PTPRD: variants seen among roughly 807,000 people sequenced by gnomAD.
PTPRD encodes receptor-type tyrosine-protein phosphatase delta.
A neutral mutation model predicts 214.5 loss-of-function variants in PTPRD; 34 were observed. The observed-to-expected ratio is 0.16, with a 90% CI of 0.12 to 0.21. The LOEUF is 0.21. PTPRD is among the 10% of genes least tolerant of loss of function. The pLI, the probability that PTPRD is intolerant of heterozygous loss-of-function variation, is 1.00. For missense variants in PTPRD, 2,545 were observed against 2,398.7 expected (o/e 1.06, Z -1.27); for synonymous variants, 1,128 against 845.7 (o/e 1.33, Z -5.79).
chr9:8,387,239 G>A (rs1224378489), intron 37 of PTPRD, among the ~76,000 whole-genome samples: 6 of 152,194 alleles, frequency 3.9e-5, no homozygotes, highest in African/African-American at 1.2e-4. Flanking sequence ...CTGGCTGAGG[G>A]GAGTTGGGGG....
chr9:9,825,082 A>T (rs2052260186), intron 5 of PTPRD, among the ~76,000 whole-genome samples: 1 of 151,934 alleles, frequency 6.6e-6, no homozygotes, highest in African/African-American at 2.4e-5. Context: ...TCTAGTTTCA[A>T]ATGTGATCAT....
intron 3 of PTPRD, among the ~76,000 whole-genome samples, chr9:10,186,087 ATTT>A: frequency 6.7e-6 from 1 of 148,738 alleles, no homozygotes; most frequent in African/African-American, 2.4e-5. Flanking sequence ...AATAAACAAT[ATTT>A]TTTTTTTTTA....
At chr9:8,891,554 C>A (rs540479144) in intron 11 of PTPRD, among the ~76,000 whole-genome samples, 2 of 151,864 alleles carry the variant, frequency 1.3e-5, no homozygotes, top group South Asian at 2.1e-4. Flanking sequence ...TAGCAGCGTA[C>A]AATTTGATAC....
chr9:10,543,371 G>C (rs940546324), intron 2 of PTPRD, among the ~76,000 whole-genome samples: 1 of 152,002 alleles, frequency 6.6e-6, no homozygotes, highest in African/African-American at 2.4e-5. Context: ...TGACTGCTAA[G>C]AGTTCTTTGC....
chr9:10,569,505 G>GTCTC lies in PTPRD; in HGVS notation c.-600+42889_-600+42892dup, dbSNP rs141331871. 1.5e-3 allele frequency among the ~76,000 whole-genome samples: 221 copies of GTCTC among 143,382 alleles called. 2 individuals carry two copies. The highest frequency in any genetic ancestry group is 3.8e-3 in the African/African-American group (148 of 38,476). The allele number at this position is 143,382 out of a possible 152,430, so 94.1% of individuals were successfully genotyped here. A position where few individuals can be genotyped will look rare whatever the true frequency, so the allele number is the denominator to read the frequency against. The stretch of plus-strand genomic sequence containing the variant: ...ATCCTGTATACTTGTGTATATGCAT[G>GTCTC]TCTCTCTCTCTCTCTCTCTCTCTCT... On this transcript the variant is annotated intron_variant, in intron 2 of 45. Coordinates refer to ENST00000381196, the MANE Select transcript of PTPRD (RefSeq NM_002839.4).
intron 36 of PTPRD, among the ~76,000 whole-genome samples, chr9:8,392,203 G>A (rs567944546): frequency 9.8e-4 from 149 of 152,082 alleles, no homozygotes; most frequent in Admixed American, 2.9e-3. Flanking sequence ...GAGCAACATG[G>A]TGAGACCCTG....
chr9:9,004,091 C>A (rs1000035931), intron 11 of PTPRD, among the ~76,000 whole-genome samples: 1 of 152,020 alleles, frequency 6.6e-6, no homozygotes, highest in Admixed American at 6.6e-5. Context: ...CAGACTCTAA[C>A]CCCTTATAGA....
chr9:10,583,421 C>T (rs957024657), intron 2 of PTPRD, among the ~76,000 whole-genome samples: 1 of 151,052 alleles, frequency 6.6e-6, no homozygotes, highest in Admixed American at 6.6e-5. Context: ...GAAATGCAGA[C>T]AGAGGTCCCC....
chr9:8,698,238 T>C (rs544053373), intron 12 of PTPRD, among the ~76,000 whole-genome samples: 4 of 152,356 alleles, frequency 2.6e-5, no homozygotes, highest in East Asian at 3.9e-4. Flanking sequence ...TACTGTGTGA[T>C]AGATGTTTAT....
chr9:10,471,291 A>C (rs1039890961), intron 2 of PTPRD, among the ~76,000 whole-genome samples: 4 of 152,144 alleles, frequency 2.6e-5, no homozygotes, highest in Non-Finnish European at 4.4e-5. Flanking sequence ...AACTTAAACT[A>C]TAATAAAAAA....
At chr9:8,470,765 A>G (rs1228824619) in intron 31 of PTPRD, among the ~76,000 whole-genome samples, 1 of 152,170 alleles carries the variant, frequency 6.6e-6, no homozygotes, top group Non-Finnish European at 1.5e-5. Flanking sequence ...GCCAACAAAG[A>G]TTAGACAGGT....
chr9:9,332,782 A>G (rs1047102556), intron 9 of PTPRD, among the ~76,000 whole-genome samples: 1 of 151,844 alleles, frequency 6.6e-6, no homozygotes, highest in African/African-American at 2.4e-5. Context: ...GTAATGAAAG[A>G]GTTGTCAAAT....
chr9:8,871,910 T>C (rs1158234773), intron 11 of PTPRD, among the ~76,000 whole-genome samples: 2 of 152,188 alleles, frequency 1.3e-5, no homozygotes, highest in South Asian at 2.1e-4. Flanking sequence ...GTAGCCAGTA[T>C]GTAATTCAGA....
intron 8 of PTPRD, among the ~76,000 whole-genome samples, chr9:9,419,529 T>G (rs187176172): frequency 6.6e-6 from 1 of 151,824 alleles, no homozygotes; most frequent in Non-Finnish European, 1.5e-5. Context: ...AAACCTATAA[T>G]TCTGCTTAGA....
chr9:9,540,766 G>C (rs17772815), intron 8 of PTPRD, among the ~76,000 whole-genome samples: 20,109 of 151,738 alleles, frequency 0.13, 1,790 homozygotes, highest in Middle Eastern at 0.2. Context: ...TGTGCCACCA[G>C]TAAATGAAAT....
chr9:9,990,712 A>T (rs986366868), intron 4 of PTPRD, among the ~76,000 whole-genome samples: 1 of 152,184 alleles, frequency 6.6e-6, no homozygotes. Context: ...TGATTTTCTT[A>T]AAGTTTACTC....
intron 12 of PTPRD, among the ~76,000 whole-genome samples, chr9:8,686,797 T>G (rs1412839729): frequency 6.6e-6 from 1 of 152,134 alleles, no homozygotes; most frequent in African/African-American, 2.4e-5. Context: ...CAAAATAAGT[T>G]TTGACGCATT....
intron 3 of PTPRD, among the ~76,000 whole-genome samples, chr9:10,075,880 G>A (rs192832473): frequency 5.3e-5 from 8 of 152,044 alleles, no homozygotes; most frequent in Non-Finnish European, 8.8e-5. Flanking sequence ...CTTCTATAAC[G>A]ATATGTTATG....
chr9:8,805,322 A>G (rs990011041), intron 11 of PTPRD, among the ~76,000 whole-genome samples: 12 of 152,208 alleles, frequency 7.9e-5, no homozygotes, highest in Admixed American at 5.9e-4. Flanking sequence ...CCCCATTTGA[A>G]GGTTCTGACC....
Sources: allele counts gnomAD v4.1 joint callset (sites outside exome capture counted in the v4.1 genomes callset), GRCh38; gene constraint gnomAD v4.1.1; transcripts MANE v1.5; gene names NCBI Gene and HGNC (gene_info 2026-07-23, HGNC 2026-07-21).